The following JAZF1 variants were observed in gnomAD, a reference collection of about 807,000 sequenced individuals.
JAZF1 encodes juxtaposed with another zinc finger protein 1.
In JAZF1, 8 loss-of-function variants were observed where a neutral mutation model predicts 26.4. The ratio of observed to expected loss-of-function variants is 0.30; its 90% CI spans 0.18 to 0.55. The LOEUF is 0.55. JAZF1 is among the 20% of genes least tolerant of loss of function. The pLI, the probability that JAZF1 is intolerant of heterozygous loss-of-function variation, is 0.94. For missense variants in JAZF1, 199 were observed against 322.0 expected (o/e 0.62, Z 2.92); for synonymous variants, 126 against 122.3 (o/e 1.03, Z -0.20).
intron 2 of JAZF1, among the ~76,000 whole-genome samples, chr7:27,961,967 G>A (rs1785192620): frequency 6.6e-6 from 1 of 152,244 alleles, no homozygotes; most frequent in East Asian, 1.9e-4. Flanking sequence ...TCAAATCCCA[G>A]CTCCACTAGT....
intron 2 of JAZF1, among the ~76,000 whole-genome samples, chr7:27,975,916 C>T (rs1462277042): frequency 2.0e-5 from 3 of 152,182 alleles, no homozygotes; most frequent in Non-Finnish European, 4.4e-5. Flanking sequence ...AAATGAATCA[C>T]ATCACCCAAC....
At chr7:27,862,274 G>A (rs2128336289) in intron 3 of JAZF1, among the ~76,000 whole-genome samples, 2 of 152,246 alleles carry the variant, frequency 1.3e-5, no homozygotes, top group South Asian at 4.1e-4. Flanking sequence ...GTGTGATGCT[G>A]AGGTTTGGGG....
chr7:27,941,753 T>C (rs1465793062), intron 2 of JAZF1, among the ~76,000 whole-genome samples: 1 of 152,120 alleles, frequency 6.6e-6, no homozygotes, highest in Non-Finnish European at 1.5e-5. Flanking sequence ...GGCTACAGCT[T>C]AGGACAACAG....
intron 3 of JAZF1, chr7:27,846,392 C>CATATACGTATACGTGTATAT (rs141603370): frequency 2.4e-6 from 1 of 418,422 alleles, no homozygotes; most frequent in African/African-American, 2.1e-5. Context: ...CGTATATATA[C>CATATACGTATACGTGTATAT]ATATACGTAT....
intron 2 of JAZF1, among the ~76,000 whole-genome samples, chr7:27,989,333 A>C (rs1785843377): frequency 6.6e-6 from 1 of 152,210 alleles, no homozygotes; most frequent in African/African-American, 2.4e-5. Context: ...AACCATAAAA[A>C]CCCTAGAAAG....
At chr7:27,882,761 C>T (rs1783794455) in intron 3 of JAZF1, among the ~76,000 whole-genome samples, 1 of 152,178 alleles carries the variant, frequency 6.6e-6, no homozygotes, top group African/African-American at 2.4e-5. Context: ...AACAAGTTTG[C>T]CGCCGTGATA....
At chr7:27,914,892 C>T (rs1784419662) in intron 2 of JAZF1, 1 of 467,216 alleles carries the variant, frequency 2.1e-6, no homozygotes, top group Non-Finnish European at 4.4e-6. Flanking sequence ...GCTCATAGGA[C>T]CTAGTTTATT....
intron 1 of JAZF1, among the ~76,000 whole-genome samples, chr7:28,091,797 C>T (rs11760530): frequency 0.13 from 19,060 of 151,826 alleles, 1,291 homozygotes; most frequent in Middle Eastern, 0.18. Context: ...GTGTGTATGG[C>T]CCAACTGGAA....
intron 2 of JAZF1, among the ~76,000 whole-genome samples, chr7:27,928,851 C>T (rs1562531727): frequency 6.6e-6 from 1 of 152,094 alleles, no homozygotes; most frequent in Non-Finnish European, 1.5e-5. Context: ...AGGCTTAGTA[C>T]CTGGACGATG....
At chr7:27,945,368 C>T (rs966268273) in intron 2 of JAZF1, among the ~76,000 whole-genome samples, 4 of 152,164 alleles carry the variant, frequency 2.6e-5, no homozygotes, top group African/African-American at 7.2e-5. Flanking sequence ...TGATCATCCC[C>T]CTGAGCTTCT....
intron 1 of JAZF1, among the ~76,000 whole-genome samples, chr7:28,125,153 T>C (rs920818036): frequency 7.1e-6 from 1 of 140,194 alleles, no homozygotes; most frequent in Non-Finnish European, 1.5e-5. Flanking sequence ...TTGCTTTTTT[T>C]TTTTTTTTTT....
chr7:27,936,029 C>T (rs1268959709), intron 2 of JAZF1, among the ~76,000 whole-genome samples: 2 of 152,206 alleles, frequency 1.3e-5, no homozygotes, highest in Non-Finnish European at 2.9e-5. Flanking sequence ...CCTGGTTCCG[C>T]TTTCCATGCC....
chr7:27,965,453 A>G (rs1785256815), intron 2 of JAZF1, among the ~76,000 whole-genome samples: 2 of 152,240 alleles, frequency 1.3e-5, no homozygotes. Context: ...GTCTTCTGAC[A>G]TCCCAAAATT....
chr7:28,156,206 G>A (rs1373141696), intron 1 of JAZF1, among the ~76,000 whole-genome samples: 1 of 152,220 alleles, frequency 6.6e-6, no homozygotes, highest in East Asian at 1.9e-4. Context: ...ACTTTGGACA[G>A]GCATCAAGCG....
At chr7:28,149,359 GAGAA>G (rs1562603819) in intron 1 of JAZF1, among the ~76,000 whole-genome samples, 1 of 152,120 alleles carries the variant, frequency 6.6e-6, no homozygotes, top group Admixed American at 6.5e-5. Context: ...GACGTCCATG[GAGAA>G]AGAAAGGGCA....
chr7:27,973,683 T>G (rs987263252), intron 2 of JAZF1, among the ~76,000 whole-genome samples: 2 of 152,202 alleles, frequency 1.3e-5, no homozygotes, highest in African/African-American at 2.4e-5. Flanking sequence ...GTAAAATAGA[T>G]AGTGTTAAAT....
chr7:27,960,102 C>G (rs1334082816), intron 2 of JAZF1, among the ~76,000 whole-genome samples: 5 of 152,206 alleles, frequency 3.3e-5, no homozygotes, highest in African/African-American at 7.2e-5. Context: ...ATTCTTCTCT[C>G]TGGAAAAGGT....
intron 3 of JAZF1, among the ~76,000 whole-genome samples, chr7:27,893,631 G>A (rs905454429): frequency 6.6e-6 from 1 of 152,136 alleles, no homozygotes. Flanking sequence ...ACTTCTCTCC[G>A]GATGCCCTCC....
intron 1 of JAZF1, among the ~76,000 whole-genome samples, chr7:28,161,180 T>C (rs1433493628): frequency 6.7e-6 from 1 of 149,542 alleles, no homozygotes. Context: ...AATTCAGGCA[T>C]TCAACAAATA....
Sources: allele counts gnomAD v4.1 joint callset (sites outside exome capture counted in the v4.1 genomes callset), GRCh38; gene constraint gnomAD v4.1.1; transcripts MANE v1.5; gene names NCBI Gene and HGNC (gene_info 2026-07-23, HGNC 2026-07-21).